The following ZNF654 variants were observed in gnomAD, a reference collection of about 807,000 sequenced individuals.
ZNF654 encodes the protein melanoma-associated antigen.
A neutral mutation model predicts 95.3 loss-of-function variants in ZNF654; 19 were observed. That is an observed-to-expected ratio of 0.20 (90% CI 0.14 to 0.29). The LOEUF (loss-of-function observed/expected upper bound fraction) is 0.29. ZNF654 is among the 10% of genes least tolerant of loss of function. The pLI, the probability that ZNF654 is intolerant of heterozygous loss-of-function variation, is 1.00. For missense variants in ZNF654, 1,046 were observed against 1,341.0 expected (o/e 0.78, Z 3.44); for synonymous variants, 413 against 457.9 (o/e 0.90, Z 1.25).
intron 5 of ZNF654, 120 bp from the exon 6 acceptor site, chr3:88,129,564 CATT>C (rs1311604575): frequency 1.7e-5 from 13 of 746,990 alleles, no homozygotes; most frequent in South Asian, 5.1e-5. Context: ...TACAAGTCAT[CATT>C]GTCTTTGTAG....
chr3:88,082,485 G>A (rs577042139), intron 1 of ZNF654, among the ~76,000 whole-genome samples: 3 of 152,196 alleles, frequency 2.0e-5, no homozygotes, highest in Non-Finnish European at 4.4e-5. Context: ...CTTAATATTA[G>A]TGAACAGCTT....
chr3:88,105,892 A>G (rs533969026), intron 2 of ZNF654, among the ~76,000 whole-genome samples: 9 of 152,342 alleles, frequency 5.9e-5, no homozygotes, highest in Admixed American at 3.3e-4. Context: ...TGATTAGGCC[A>G]TGAGGGCCTG....
intron 1 of ZNF654, 51 bp downstream of exon 1, chr3:88,059,556 C>T: frequency 6.9e-7 from 1 of 1,447,254 alleles, no homozygotes; most frequent in Non-Finnish European, 9.0e-7. Flanking sequence ...CTGGGCCTCT[C>T]TGCGTCTCCT....
chr3:88,112,951 A>G (rs908740158), intron 2 of ZNF654, among the ~76,000 whole-genome samples, 164 bp from the exon 3 acceptor site: 10 of 152,100 alleles, frequency 6.6e-5, no homozygotes, highest in African/African-American at 2.2e-4. Flanking sequence ...CTTCTTTTAA[A>G]ATCTTACAGA....
At chr3:88,113,464 A>G (rs893500490) in intron 3 of ZNF654, among the ~76,000 whole-genome samples, 5 of 152,192 alleles carry the variant, frequency 3.3e-5, no homozygotes, top group African/African-American at 1.2e-4. Context: ...CCTAGAACTT[A>G]GTCCTGGTGA....
At chr3:88,129,087 C>T in intron 5 of ZNF654, 76 bp downstream of exon 5, 1 of 1,068,802 alleles carries the variant, frequency 9.4e-7, no homozygotes, top group South Asian at 1.7e-5. Flanking sequence ...AAGTAGCCCA[C>T]TGTTGTTGTT....
intron 6 of ZNF654, among the ~76,000 whole-genome samples, chr3:88,130,514 C>G (rs760227286): frequency 1.3e-5 from 2 of 151,778 alleles, no homozygotes; most frequent in Non-Finnish European, 2.9e-5. Flanking sequence ...TACAGTGGTG[C>G]GATCATGGCT....
intron 2 of ZNF654, among the ~76,000 whole-genome samples, chr3:88,092,486 C>G (rs905344070): frequency 2.0e-4 from 30 of 152,136 alleles, no homozygotes; most frequent in Admixed American, 1.8e-3. Flanking sequence ...GCTGGGTGAG[C>G]TAACTTGCTG....
intron 1 of ZNF654, among the ~76,000 whole-genome samples, chr3:88,085,026 T>C (rs572160433): frequency 5.3e-4 from 80 of 152,356 alleles, no homozygotes; most frequent in Middle Eastern, 6.8e-3. Context: ...TCTCTGTTTT[T>C]CAAGGCTGCT....
chr3:88,082,129 A>AT lies in ZNF654; in HGVS notation c.187-4112dup, dbSNP rs780949287. Among the ~76,000 whole-genome samples, 793 of 141,672 alleles carry AT rather than the reference A, an allele frequency of 5.6e-3. 2 individuals are homozygous for AT. The highest frequency in any genetic ancestry group is 0.011 in the African/African-American group (440 of 38,716). 92.9% of individuals were successfully genotyped at this position (141,672 alleles called of 152,430 possible). ...GACACGTCTTCTGGTTTGTTAATCA[A>AT]TTTTTTTTTTTTTTTTGAGATGGAG... On this transcript the variant is annotated intron_variant, in intron 1 of 8. Transcript: ENST00000636215.
rs1010566746 is a variant in ZNF654, at chr3:88,140,353, A to G, written c.2684A>G (p.Asn895Ser). The G allele has an allele frequency of 3.1e-6, 5 of 1,613,258 alleles. No individual in the cohort carries two copies. The highest frequency in any genetic ancestry group is 3.3e-5 in the Admixed American group (2 of 59,854). ...LWDVQTDSNP[N>S]QEKDSSSNEK... Reference sequence around the variant, plus strand: ...GATGTTCAGACAGACTCAAATCCTAATCAGGAAAAAGACTCATCTAGTAAT... The same window carrying G: ...GATGTTCAGACAGACTCAAATCCTAGTCAGGAAAAAGACTCATCTAGTAAT... Residue 895 changes from asparagine (N) to serine (S), a missense_variant, in exon 8 of 9, where the codon AAT becomes AGT. Asn to Ser is a conservative substitution (Grantham distance 46). This residue lies in a region of ZNF654 where 495 missense variants were observed against 537.0 expected (regional missense o/e 0.92). Transcript: ENST00000636215.
chr3:88,116,796 A>T (rs948423483), intron 3 of ZNF654, among the ~76,000 whole-genome samples: 1 of 152,142 alleles, frequency 6.6e-6, no homozygotes, highest in African/African-American at 2.4e-5. Flanking sequence ...CTCATAGGCC[A>T]TGATCTACTA....
At chr3:88,141,114 A>T in intron 8 of ZNF654, 66 bp downstream of exon 8, 11 of 1,507,764 alleles carry the variant, frequency 7.3e-6, no homozygotes, top group Non-Finnish European at 8.0e-6. Flanking sequence ...TAAAACTATT[A>T]TAGATCTTTG....
chr3:88,088,856 T>TA (rs1251938199), intron 2 of ZNF654, among the ~76,000 whole-genome samples: 2 of 151,900 alleles, frequency 1.3e-5, no homozygotes, highest in African/African-American at 4.8e-5. Flanking sequence ...CACTGCAACC[T>TA]ACATCTCCTG....
intron 2 of ZNF654, among the ~76,000 whole-genome samples, chr3:88,112,407 T>C (rs1409925946): frequency 6.6e-6 from 1 of 151,942 alleles, no homozygotes. Flanking sequence ...AATAATTTTA[T>C]AATTTTCCAT....
intron 3 of ZNF654, among the ~76,000 whole-genome samples, chr3:88,124,125 T>G (rs1705942512): frequency 6.6e-6 from 1 of 152,246 alleles, no homozygotes; most frequent in Non-Finnish European, 1.5e-5. Context: ...TTCGAACTGT[T>G]AAAATACTAG....
In ZNF654 at chr3:88,119,276, A is replaced by G. The variant is rs1267791975; in HGVS notation, c.414+6080A>G. On this transcript the variant is annotated intron_variant, in intron 3 of 8. Transcript: ENST00000636215. ...TGGAAATCATCATTCTCAGTAAACT[A>G]TCGCAAGAACAAAAAACCAAACACT... Among the ~76,000 whole-genome samples, 819 of 148,042 alleles carry G rather than the reference A, an allele frequency of 5.5e-3. 5 individuals carry two copies. The highest frequency in any genetic ancestry group is 4.4e-3 in the Non-Finnish European group (295 of 67,014).
At position 88,079,186 on chromosome 3, in the gene ZNF654, A is replaced by T. The variant is rs145794586; in HGVS notation, c.187-7071A>T. Among the ~76,000 whole-genome samples, 799 of 152,234 alleles carry T rather than the reference A, an allele frequency of 5.2e-3. 17 individuals are homozygous for T. The highest frequency in any genetic ancestry group is 2.9e-3 in the Non-Finnish European group (198 of 67,948). On this transcript the variant is annotated intron_variant, in intron 1 of 8. Coordinates refer to ENST00000636215, the MANE Select transcript of ZNF654 (RefSeq NM_001350134.2). ...TATTATCATCGAGTCAAAAACAGGG[A>T]GATGATAGTCCAACTAATTCTGACT...
chr3:88,095,643 A>G (rs1704014307), intron 2 of ZNF654: 5 of 503,384 alleles, frequency 9.9e-6, no homozygotes, highest in Admixed American at 6.3e-5. Context: ...GCCCCAAGCA[A>G]TATCATCACT....
Sources: allele counts gnomAD v4.1 joint callset (sites outside exome capture counted in the v4.1 genomes callset), GRCh38; gene constraint gnomAD v4.1.1; regional missense constraint gnomAD v4.1.1; transcripts MANE v1.5; gene names NCBI Gene and HGNC (gene_info 2026-07-23, HGNC 2026-07-21).